The following GLYR1 variants were observed in gnomAD, a reference collection of about 807,000 sequenced individuals.
The protein encoded by GLYR1 is cytokine-like nuclear factor N-PAC.
GLYR1 carries 21 observed loss-of-function variants against 72.7 expected under a neutral mutation model. The ratio of observed to expected loss-of-function variants is 0.29; its 90% CI spans 0.20 to 0.42. GLYR1 has a LOEUF of 0.42. Among genes scored for constraint, GLYR1 ranks in the 10% least tolerant of loss-of-function variants. The probability of loss-of-function intolerance (pLI) is 1.00; values close to 1 mark genes in which losing one functional copy is unlikely to be tolerated. For missense variants in GLYR1, 594 were observed against 712.1 expected, an observed-to-expected ratio of 0.83 and a Z score of 1.89; for synonymous variants, 392 against 270.2, an observed-to-expected ratio of 1.45 and a Z score of -4.42.
rs376414330 is a variant in GLYR1, at chr16:4,819,196, G to A, written c.807-1499C>T. Among the ~76,000 whole-genome samples the A allele has an allele frequency of 6.6e-5, 10 of 150,784 alleles. No individual in the cohort carries two copies. In the East Asian group the frequency reaches 1.7e-3, roughly 26 times the overall value. The stretch of plus-strand genomic sequence containing the variant: ...ATTTATTTATTTATTTAAAAAGAGA[G>A]ATGGGGGGGTCTTGCTATGTTGGCT... On this transcript the variant is annotated intron_variant, in intron 9 of 15. Transcript: ENST00000321919.
At chr16:4,811,411 G>T in intron 14 of GLYR1, 117 bp from the exon 15 acceptor site, 2 of 1,416,734 alleles carry the variant, frequency 1.4e-6, no homozygotes, top group Non-Finnish European at 1.9e-6. Flanking sequence ...ACATAGCCTA[G>T]GCCTCTTGGC....
chr16:4,815,926 C>T (rs1464650606), intron 10 of GLYR1, among the ~76,000 whole-genome samples: 1 of 151,030 alleles, frequency 6.6e-6, no homozygotes, highest in African/African-American at 2.4e-5. Context: ...GGACTACAGG[C>T]GCCCGCCACT....
At chr16:4,830,720 ATTC>A (rs2084742198) in intron 5 of GLYR1, among the ~76,000 whole-genome samples, 1 of 152,140 alleles carries the variant, frequency 6.6e-6, no homozygotes, top group African/African-American at 2.4e-5. Context: ...TCACTTTGAA[ATTC>A]TTCTCTGTGG....
At chr16:4,843,222 A>G (rs1212009138) in intron 3 of GLYR1, among the ~76,000 whole-genome samples, 1 of 152,140 alleles carries the variant, frequency 6.6e-6, no homozygotes, top group Non-Finnish European at 1.5e-5. Flanking sequence ...GCTGGAGTGC[A>G]GGGTCTCGAA....
chr16:4,814,038 TGTGA>T, intron 11 of GLYR1, 200 bp from the exon 12 acceptor site: 2 of 456,362 alleles, frequency 4.4e-6, no homozygotes, highest in Non-Finnish European at 7.7e-6. Flanking sequence ...AAAGAATCTA[TGTGA>T]GTGTGTGCAT....
At chr16:4,827,834 A>G (rs1251333478) in intron 5 of GLYR1, among the ~76,000 whole-genome samples, 4 of 151,718 alleles carry the variant, frequency 2.6e-5, no homozygotes, top group Admixed American at 6.6e-5. Context: ...CAGGAGGCGG[A>G]GCTTGCAGTG....
At chr16:4,824,974 T>A (rs757227216) in intron 5 of GLYR1, among the ~76,000 whole-genome samples, 1 of 152,082 alleles carries the variant, frequency 6.6e-6, no homozygotes, top group African/African-American at 2.4e-5. Flanking sequence ...TCTTCTCTAA[T>A]CCACTGACAA....
chr16:4,825,964 T>G (rs1555501190), intron 5 of GLYR1, among the ~76,000 whole-genome samples: 2 of 152,202 alleles, frequency 1.3e-5, no homozygotes, highest in Non-Finnish European at 2.9e-5. Context: ...ATTATAATCT[T>G]CTTTTACAGA....
intron 3 of GLYR1, among the ~76,000 whole-genome samples, chr16:4,835,542 C>A (rs558524399): frequency 1.3e-5 from 2 of 152,248 alleles, no homozygotes; most frequent in Admixed American, 1.3e-4. Flanking sequence ...CCATAAAAAA[C>A]CAGCTTGGCT....
At chr16:4,834,006 G>C (rs1047667973) in intron 3 of GLYR1, among the ~76,000 whole-genome samples, 2 of 152,316 alleles carry the variant, frequency 1.3e-5, no homozygotes, top group Non-Finnish European at 1.5e-5. Flanking sequence ...ACAAGCTTCA[G>C]GTTGTTTTCT....
chr16:4,845,312 C>T (rs907670458), intron 2 of GLYR1, among the ~76,000 whole-genome samples, 159 bp from the exon 3 acceptor site: 1 of 152,148 alleles, frequency 6.6e-6, no homozygotes, highest in Non-Finnish European at 1.5e-5. Flanking sequence ...GAACCCAAGG[C>T]CTAGTACTTG....
chr16:4,807,380 T>G (rs1235327078), intron 15 of GLYR1, among the ~76,000 whole-genome samples: 2 of 152,096 alleles, frequency 1.3e-5, no homozygotes, highest in Non-Finnish European at 2.9e-5. Flanking sequence ...CCCAAAGTGT[T>G]GAGATTATAG....
intron 3 of GLYR1, among the ~76,000 whole-genome samples, chr16:4,844,661 T>C (rs1261175656): frequency 6.6e-6 from 1 of 152,152 alleles, no homozygotes; most frequent in African/African-American, 2.4e-5. Flanking sequence ...CTCGGGAGGC[T>C]GAGGTGAGAG....
At chr16:4,814,772 C>T (rs1192972493) in intron 10 of GLYR1, 125 bp from the exon 11 acceptor site, 2 of 746,134 alleles carry the variant, frequency 2.7e-6, no homozygotes. Flanking sequence ...GGCCGGGAGC[C>T]TGGGTCATGG....
intron 4 of GLYR1, 180 bp downstream of exon 4, chr16:4,832,594 G>A (rs370243868): frequency 1.4e-6 from 1 of 736,694 alleles, no homozygotes; most frequent in Non-Finnish European, 2.2e-6. Context: ...CTCCAGAAAG[G>A]TTAGCTGCAT....
rs1005875778 is a variant in GLYR1, at chr16:4,828,101, G to C, written c.537+3878C>G. ...ATATATTTTTTTGAGATGGAGTCTC[G>C]CTCTGTCACCCAGGCTGGGGTGCAG... On this transcript the variant is annotated intron_variant, in intron 5 of 15. Transcript: ENST00000321919. Among the ~76,000 whole-genome samples the C allele has an allele frequency of 3.3e-5, 5 of 150,552 alleles. No homozygotes were observed. The East Asian group carries it at 5.9e-4, about 18-fold the overall frequency.
chr16:4,822,766 C>A (rs995509175), intron 7 of GLYR1, 109 bp downstream of exon 7: 8 of 885,468 alleles, frequency 9.0e-6, no homozygotes, highest in African/African-American at 1.7e-5. Flanking sequence ...TTGCTCTGGG[C>A]AATACACCGG....
Position 4,814,624 on chromosome 16 carries a change from C to G in GLYR1, c.930G>C (p.Gly310=). Residue 310 remains glycine, a synonymous_variant, in exon 11 of 16, where the codon GGG becomes GGC. Coordinates refer to ENST00000321919, the MANE Select transcript of GLYR1 (RefSeq NM_032569.4). ...AEKCDLFIQE[G]ARLGRTPAEV... Reference sequence around the variant, plus strand: ...CAGCGGGGGTTCTTCCCAGACGGGCCCCCTCCTGGATGAACAAATCACACT... The same window carrying G: ...CAGCGGGGGTTCTTCCCAGACGGGCGCCCTCCTGGATGAACAAATCACACT... 1.2e-6 allele frequency: 2 copies of G among 1,614,134 alleles called. No individual in the cohort carries two copies. The highest frequency in any genetic ancestry group is 1.7e-6 in the Non-Finnish European group (2 of 1,179,972).
intron 3 of GLYR1, among the ~76,000 whole-genome samples, chr16:4,842,813 C>T (rs1326996071): frequency 6.6e-6 from 1 of 152,184 alleles, no homozygotes; most frequent in East Asian, 1.9e-4. Context: ...AATTCTACTG[C>T]CTCAGCTTCC....
Sources: gnomAD v4.1 joint callset for allele counts (sites outside exome capture counted in the v4.1 genomes callset) on GRCh38, gnomAD v4.1.1 for gene constraint, MANE v1.5 for transcripts, NCBI Gene and HGNC (gene_info 2026-07-23, HGNC 2026-07-21) for gene names.